The following BCAS3 variants were observed in gnomAD, a reference collection of about 807,000 sequenced individuals.
BCAS3 encodes the protein BCAS3 microtubule associated cell migration factor.
A neutral mutation model predicts 116.1 loss-of-function variants in BCAS3; 53 were observed. That is an observed-to-expected ratio of 0.46 (90% CI 0.37 to 0.57). The LOEUF is 0.57. BCAS3 is among the 20% of genes least tolerant of loss of function. BCAS3 has a pLI of 0.00. For synonymous variants in BCAS3, 391 were observed against 408.2 expected, an observed-to-expected ratio of 0.96 and a Z score of 0.51; for missense variants, 917 against 1,165.4, an observed-to-expected ratio of 0.79 and a Z score of 3.10.
intron 22 of BCAS3, among the ~76,000 whole-genome samples, chr17:61,195,130 G>A (rs990950621): frequency 3.3e-5 from 5 of 152,206 alleles, no homozygotes; most frequent in Admixed American, 2.6e-4. Context: ...GTCACTTTAA[G>A]CATTAACAAT....
chr17:61,179,155 A>G (rs1393186192), intron 22 of BCAS3, among the ~76,000 whole-genome samples: 1 of 152,162 alleles, frequency 6.6e-6, no homozygotes, highest in Non-Finnish European at 1.5e-5. Flanking sequence ...AGGTCTTGCT[A>G]GAAACAGCTA....
intron 5 of BCAS3, among the ~76,000 whole-genome samples, chr17:60,736,842 T>C (rs1303590555): frequency 6.6e-6 from 1 of 152,140 alleles, no homozygotes; most frequent in Non-Finnish European, 1.5e-5. Flanking sequence ...ATCCTTTTAA[T>C]GTCCATGGGA....
Position 61,037,277 on chromosome 17 carries a change from A to G in BCAS3, c.1763-612A>G, listed in dbSNP as rs1453490764. On this transcript the variant is annotated intron_variant, in intron 17 of 23. Transcript: ENST00000407086. The surrounding 1 kb of genome is among the most constrained non-coding windows in gnomAD (Gnocchi z 4.7). ...CATTTCCTGATATCATTCATTTTTC[A>G]TAATGTGGGACAAATTACATTGTAG... 1.3e-5 allele frequency among the ~76,000 whole-genome samples: 2 copies of G among 152,198 alleles called. No individual in the cohort carries two copies. Among genetic ancestry groups the G allele is most frequent in the African/African-American group, 4.8e-5 (2 of 41,448 alleles).
chr17:60,780,016 G>A (rs1256166652), intron 6 of BCAS3, among the ~76,000 whole-genome samples: 1 of 149,306 alleles, frequency 6.7e-6, no homozygotes, highest in Non-Finnish European at 1.5e-5. Flanking sequence ...TTGAGATGGA[G>A]TCTCGCTCTG....
At position 61,249,072 on chromosome 17, in the gene BCAS3, G is replaced by GGTGA. The variant is rs2144537692; in HGVS notation, c.2426-119253_2426-119250dup. On this transcript the variant is annotated intron_variant, in intron 22 of 23. Transcript: ENST00000407086. This position sits in a 1 kb window ranked among gnomAD's most constrained non-coding sequence, Gnocchi z 6.2. ...AGGCCGAGGCAGGTAGATCCCCTGAGGTGAGGAGTTTGAGACCAGCCTGGC... is the reference window on the plus strand; with the variant it reads ...AGGCCGAGGCAGGTAGATCCCCTGAGGTGAGTGAGGAGTTTGAGACCAGCCTGGC... Among the ~76,000 whole-genome samples the GGTGA allele has an allele frequency of 6.6e-6, 1 of 152,238 alleles. No individual in the cohort carries two copies. Among genetic ancestry groups the GGTGA allele is most frequent in the Non-Finnish European group, 1.5e-5 (1 of 68,012 alleles).
In BCAS3 at chr17:61,251,996, T is replaced by TA. The variant is rs1395465039; in HGVS notation, c.2426-116326dup. On this transcript the variant is annotated intron_variant, in intron 22 of 23. Coordinates refer to ENST00000407086, the MANE Select transcript of BCAS3 (RefSeq NM_017679.5). This position sits in a 1 kb window ranked among gnomAD's most constrained non-coding sequence, Gnocchi z 4.7. ...AGAAAAGGATAAAGAAAAAAACTAA[T>TA]AAAAATAGCTGAGATCACTCAACAG... Among the ~76,000 whole-genome samples, 3 of 152,096 alleles carry TA rather than the reference T, an allele frequency of 2.0e-5. No individual in the cohort carries two copies. The highest frequency in any genetic ancestry group is 6.5e-5 in the Admixed American group (1 of 15,272).
intron 15 of BCAS3, among the ~76,000 whole-genome samples, chr17:61,002,254 C>T (rs1218891853): frequency 6.6e-6 from 1 of 152,012 alleles, no homozygotes; most frequent in Non-Finnish European, 1.5e-5. Flanking sequence ...TTGGATATAA[C>T]ACATTTCTTT....
rs766949109 is a variant in BCAS3, at chr17:61,258,745, C to T, written c.2426-109582C>T. 3.3e-5 allele frequency among the ~76,000 whole-genome samples: 5 copies of T among 152,174 alleles called. No homozygotes were observed. The highest frequency in any genetic ancestry group is 5.9e-5 in the Non-Finnish European group (4 of 68,018). On this transcript the variant is annotated intron_variant, in intron 22 of 23. Coordinates refer to ENST00000407086, the MANE Select transcript of BCAS3 (RefSeq NM_017679.5). This position sits in a 1 kb window ranked among gnomAD's most constrained non-coding sequence, Gnocchi z 4.7. Reference sequence around the variant, plus strand: ...GATATAACAGGGACTGGTATACACCCTCTGTAGTTGATTTGGGAAGCCAGG... The same window carrying T: ...GATATAACAGGGACTGGTATACACCTTCTGTAGTTGATTTGGGAAGCCAGG...
At position 60,960,044 on chromosome 17, in the gene BCAS3, G is replaced by A. The variant is rs909902097; in HGVS notation, c.1221+12692G>A. 2.6e-5 allele frequency among the ~76,000 whole-genome samples: 4 copies of A among 152,050 alleles called. No individual in the cohort carries two copies. The highest frequency in any genetic ancestry group is 9.7e-5 in the African/African-American group (4 of 41,408). ...CCCAGGGATAAGCCCCTTCTCTTAG[G>A]ATTTATAACCTAATCACTTATTTTG... On this transcript the variant is annotated intron_variant, in intron 14 of 23. Transcript: ENST00000407086. This position sits in a 1 kb window ranked among gnomAD's most constrained non-coding sequence, Gnocchi z 4.1.
intron 3 of BCAS3, among the ~76,000 whole-genome samples, chr17:60,685,579 C>T (rs1056578436): frequency 3.6e-4 from 54 of 151,760 alleles, no homozygotes; most frequent in Non-Finnish European, 1.8e-4. Flanking sequence ...TATGTGTAAA[C>T]TCGGGTTAAT....
In BCAS3 at chr17:61,381,922, C is replaced by T. The variant is rs1224784521; in HGVS notation, c.2594-10055C>T. 6.6e-6 allele frequency among the ~76,000 whole-genome samples: 1 copy of T among 152,178 alleles called. No individual in the cohort carries two copies. The highest frequency in any genetic ancestry group is 2.4e-5 in the African/African-American group (1 of 41,452). The stretch of plus-strand genomic sequence containing the variant: ...TCTCTCCTATCCCCAACTGGTCATC[C>T]TCTCCCCAACCTTCATTGGTCTCTG... On this transcript the variant is annotated intron_variant, in intron 23 of 23. Coordinates refer to ENST00000407086, the MANE Select transcript of BCAS3 (RefSeq NM_017679.5). This position sits in a 1 kb window ranked among gnomAD's most constrained non-coding sequence, Gnocchi z 6.0.
chr17:60,828,972 T>A (rs1190862318), intron 7 of BCAS3, among the ~76,000 whole-genome samples: 1 of 152,110 alleles, frequency 6.6e-6, no homozygotes, highest in Non-Finnish European at 1.5e-5. Flanking sequence ...TCAAAGAACC[T>A]GCTATACTGT....
intron 16 of BCAS3, among the ~76,000 whole-genome samples, chr17:61,027,174 A>G (rs1394619131): frequency 6.6e-6 from 1 of 151,824 alleles, no homozygotes; most frequent in African/African-American, 2.4e-5. Flanking sequence ...ATTCTCTCAT[A>G]ATGCTCGTAA....
intron 10 of BCAS3, among the ~76,000 whole-genome samples, chr17:60,900,820 A>T (rs1384844724): frequency 6.6e-6 from 1 of 152,032 alleles, no homozygotes; most frequent in Non-Finnish European, 1.5e-5. Flanking sequence ...ACCAAGATAC[A>T]AATGTAATTT....
At chr17:61,006,517 G>A (rs1041729587) in intron 15 of BCAS3, among the ~76,000 whole-genome samples, 1 of 152,022 alleles carries the variant, frequency 6.6e-6, no homozygotes, top group Non-Finnish European at 1.5e-5. Flanking sequence ...TTACTCTGTT[G>A]ATATACAAAA....
At chr17:61,289,633 C>T (rs1269857412) in intron 22 of BCAS3, among the ~76,000 whole-genome samples, 1 of 152,134 alleles carries the variant, frequency 6.6e-6, no homozygotes, top group Non-Finnish European at 1.5e-5. Flanking sequence ...TTAGAGACCC[C>T]GTTCTTGCCG....
At position 61,012,195 on chromosome 17, in the gene BCAS3, A is replaced by G. The variant is rs1600460508; in HGVS notation, c.1487-3556A>G. ...TGTCTTTCTGTAACATTACATTATG[A>G]ACTCTTTGAAAGTCCCTTGGACTTA... On this transcript the variant is annotated intron_variant, in intron 15 of 23. Transcript: ENST00000407086. The surrounding 1 kb of genome is among the most constrained non-coding windows in gnomAD (Gnocchi z 4.5). 6.6e-6 allele frequency among the ~76,000 whole-genome samples: 1 copy of G among 152,028 alleles called. No homozygotes were observed. Among genetic ancestry groups the G allele is most frequent in the Admixed American group, 6.6e-5 (1 of 15,236 alleles).
At position 60,762,037 on chromosome 17, in the gene BCAS3, G is replaced by A. The variant is rs1215071391; in HGVS notation, c.403+14758G>A. ...AAGGGTCTGTTCATATCCTTTGCCC[G>A]CTTTTGGATGGGGTTGTTTGATTTT... On this transcript the variant is annotated intron_variant, in intron 6 of 23. Transcript: ENST00000407086. 5.9e-5 allele frequency among the ~76,000 whole-genome samples: 9 copies of A among 152,096 alleles called. No homozygotes were observed. In the South Asian group the frequency reaches 1.0e-3, roughly 18 times the overall value.
chr17:61,245,017 C>T (rs1029632995), intron 22 of BCAS3, among the ~76,000 whole-genome samples: 2 of 152,122 alleles, frequency 1.3e-5, no homozygotes, highest in African/African-American at 2.4e-5. Flanking sequence ...TCCATTCTCA[C>T]GCTGCTGTAA....
Sources: allele counts gnomAD v4.1 joint callset (sites outside exome capture counted in the v4.1 genomes callset), GRCh38; gene constraint gnomAD v4.1.1; non-coding constraint Gnocchi (gnomAD v3.1); transcripts MANE v1.5; gene names NCBI Gene and HGNC (gene_info 2026-07-23, HGNC 2026-07-21).